The following THSD4 variants were observed in gnomAD, a reference collection of about 807,000 sequenced individuals.
THSD4 encodes the protein thrombospondin type-1 domain-containing protein 4.
Under a neutral mutation model 119.0 loss-of-function variants are expected in THSD4, and 69 were observed. The observed-to-expected ratio is 0.58, with a 90% CI of 0.48 to 0.71. THSD4 has a LOEUF of 0.71. Ranked by LOEUF, THSD4 falls within the 30% of genes least tolerant of loss-of-function variation. The probability of loss-of-function intolerance (pLI) is 0.00; values close to 1 mark genes in which losing one functional copy is unlikely to be tolerated. For missense variants in THSD4, 1,393 were observed against 1,391.1 expected (o/e 1.00, Z -0.02); for synonymous variants, 524 against 540.4 (o/e 0.97, Z 0.42).
intron 6 of THSD4, among the ~76,000 whole-genome samples, chr15:71,359,198 G>A (rs2045861036): frequency 6.6e-6 from 1 of 152,292 alleles, no homozygotes; most frequent in East Asian, 1.9e-4. Flanking sequence ...GTGTGAGGAG[G>A]CGTAGGGGCA....
intron 1 of THSD4, chr15:71,110,213 C>T (rs2040293259): frequency 1.3e-5 from 2 of 152,148 alleles, no homozygotes; most frequent in Non-Finnish European, 2.9e-5. Flanking sequence ...TTATGAGAGT[C>T]TCCCAGGAAG....
intron 6 of THSD4, among the ~76,000 whole-genome samples, chr15:71,408,252 G>T (rs992634445): frequency 1.7e-4 from 26 of 152,040 alleles, no homozygotes; most frequent in African/African-American, 6.3e-4. Flanking sequence ...TTTGAAATGG[G>T]ATCTTGCTCT....
chr15:71,163,632 C>T (rs577393713), intron 3 of THSD4, among the ~76,000 whole-genome samples: 5 of 151,954 alleles, frequency 3.3e-5, no homozygotes, highest in African/African-American at 7.2e-5. Flanking sequence ...TATAAAGGGG[C>T]AAACCGTAAT....
At chr15:71,148,706 G>A (rs939381501) in intron 2 of THSD4, among the ~76,000 whole-genome samples, 70 of 152,342 alleles carry the variant, frequency 4.6e-4, no homozygotes, top group African/African-American at 1.5e-3. Context: ...GAGTGAGGAA[G>A]AAAGTGGATG....
intron 7 of THSD4, among the ~76,000 whole-genome samples, chr15:71,616,134 C>T (rs2050315048): frequency 6.6e-6 from 1 of 151,924 alleles, no homozygotes; most frequent in African/African-American, 2.4e-5. Context: ...ATTTGGAAAC[C>T]ACATCTAAGC....
chr15:71,648,157 A>G (rs1412027827), intron 7 of THSD4, among the ~76,000 whole-genome samples: 1 of 152,176 alleles, frequency 6.6e-6, no homozygotes, highest in Non-Finnish European at 1.5e-5. Context: ...ACCTTCTCAG[A>G]GCTTTGGCAA....
In THSD4 at chr15:71,276,309, C is replaced by G. The variant is rs572638722; in HGVS notation, c.1015+19594C>G. On this transcript the variant is annotated intron_variant, in intron 6 of 17. Coordinates refer to ENST00000261862, the MANE Select transcript of THSD4 (RefSeq NM_024817.3). ...ACCTCTTCGGATATTTTAATACAAT[C>G]ATGTTGTCACCCCGCATCTTCTTTT... Among the ~76,000 whole-genome samples, 6 of 152,356 alleles carry G rather than the reference C, an allele frequency of 3.9e-5. No individual in the cohort carries two copies. The East Asian group carries it at 1.2e-3, about 29-fold the overall frequency.
At chr15:71,266,557 C>T (rs1391360142) in intron 6 of THSD4, among the ~76,000 whole-genome samples, 2 of 151,910 alleles carry the variant, frequency 1.3e-5, no homozygotes, top group African/African-American at 4.8e-5. Context: ...TCTTTTCCTC[C>T]AAAGGATCAC....
chr15:71,591,180 CA>C (rs2049795504), intron 7 of THSD4, among the ~76,000 whole-genome samples: 1 of 152,040 alleles, frequency 6.6e-6, no homozygotes, highest in Non-Finnish European at 1.5e-5. Flanking sequence ...ACAAAATAGG[CA>C]AGGCAATTGT....
At chr15:71,373,695 C>G (rs1044780406) in intron 6 of THSD4, among the ~76,000 whole-genome samples, 1 of 152,168 alleles carries the variant, frequency 6.6e-6, no homozygotes, top group Non-Finnish European at 1.5e-5. Context: ...CAAATTGCCT[C>G]TCCATGAGCT....
At chr15:71,607,030 G>A (rs1254272174) in intron 7 of THSD4, among the ~76,000 whole-genome samples, 1 of 152,198 alleles carries the variant, frequency 6.6e-6, no homozygotes, top group Non-Finnish European at 1.5e-5. Context: ...AGGAAAAGAT[G>A]GGCCAGCTGG....
intron 7 of THSD4, among the ~76,000 whole-genome samples, chr15:71,619,088 A>G (rs111567904): frequency 2.0e-5 from 3 of 151,640 alleles, no homozygotes; most frequent in Admixed American, 1.3e-4. Flanking sequence ...TTCTGCCTCA[A>G]CTTCCTCAGT....
rs1047804809 is a variant in THSD4 at position 71,144,455 on chromosome 15, A to G, written c.29+2899A>G. ...GCACACACATGTGAAGGGATTTTTA[A>G]TATTTATCAAGGCAACTAAATACAT... On this transcript the variant is annotated intron_variant, in intron 2 of 17. Transcript: ENST00000261862. Among the ~76,000 whole-genome samples, 6 of 152,318 alleles carry G rather than the reference A, an allele frequency of 3.9e-5. No homozygotes were observed. The East Asian group carries it at 1.2e-3, about 29-fold the overall frequency.
intron 7 of THSD4, among the ~76,000 whole-genome samples, chr15:71,557,839 A>G (rs2049044029): frequency 6.6e-6 from 1 of 152,092 alleles, no homozygotes; most frequent in Admixed American, 6.5e-5. Context: ...GTTTCCTAAT[A>G]TTGTTCAATT....
chr15:71,513,367 C>T (rs1173438772), intron 7 of THSD4, among the ~76,000 whole-genome samples: 1 of 152,150 alleles, frequency 6.6e-6, no homozygotes, highest in Admixed American at 6.5e-5. Context: ...TCTTTAAAAC[C>T]ACTTTATATG....
At chr15:71,602,488 G>T (rs1416046219) in intron 7 of THSD4, among the ~76,000 whole-genome samples, 1 of 138,896 alleles carries the variant, frequency 7.2e-6, no homozygotes, top group Non-Finnish European at 1.5e-5. Flanking sequence ...GGGAGGCAGA[G>T]GTTGCAGTGA....
intron 6 of THSD4, among the ~76,000 whole-genome samples, chr15:71,352,654 T>G (rs1316961361): frequency 1.3e-5 from 2 of 152,190 alleles, no homozygotes; most frequent in Non-Finnish European, 2.9e-5. Context: ...GGGATACAAA[T>G]TTTGGACATA....
At chr15:71,328,784 A>G (rs1413948669) in intron 6 of THSD4, among the ~76,000 whole-genome samples, 1 of 152,214 alleles carries the variant, frequency 6.6e-6, no homozygotes, top group Non-Finnish European at 1.5e-5. Context: ...ATGATTTACA[A>G]AATAAAAAGT....
chr15:71,391,233 G>C (rs948616952), intron 6 of THSD4, among the ~76,000 whole-genome samples: 1 of 152,082 alleles, frequency 6.6e-6, no homozygotes, highest in South Asian at 2.1e-4. Flanking sequence ...GTTTCACCGT[G>C]TTAGCCAGGA....
Sources: allele counts gnomAD v4.1 joint callset (sites outside exome capture counted in the v4.1 genomes callset), GRCh38; gene constraint gnomAD v4.1.1; transcripts MANE v1.5; gene names NCBI Gene and HGNC (gene_info 2026-07-23, HGNC 2026-07-21).